The following TMEM132C variants were observed in gnomAD, a reference collection of about 807,000 sequenced individuals.
TMEM132C encodes transmembrane protein 132C.
Under a neutral mutation model 61.4 loss-of-function variants are expected in TMEM132C, and 29 were observed. That is an observed-to-expected ratio of 0.47 (90% CI 0.35 to 0.64). The LOEUF (loss-of-function observed/expected upper bound fraction) is 0.64, where lower values mean the gene tolerates loss of function less well. Ranked by LOEUF, TMEM132C falls within the 30% of genes least tolerant of loss-of-function variation. The pLI, the probability that TMEM132C is intolerant of heterozygous loss-of-function variation, is 0.00. For synonymous variants in TMEM132C, 656 were observed against 633.1 expected (o/e 1.04, Z -0.54); for missense variants, 1,408 against 1,476.9 (o/e 0.95, Z 0.76).
chr12:128,355,937 T>TAGGCCTAAAGAA (rs1873489455), intron 1 of TMEM132C, among the ~76,000 whole-genome samples: 1 of 152,140 alleles, frequency 6.6e-6, no homozygotes, highest in Non-Finnish European at 1.5e-5. Flanking sequence ...CACCATCCTG[T>TAGGCCTAAAGAA]CACGGTGTAT....
chr12:128,488,152 T>C (rs1264803160), intron 2 of TMEM132C, among the ~76,000 whole-genome samples: 4 of 152,198 alleles, frequency 2.6e-5, no homozygotes, highest in African/African-American at 9.6e-5. Flanking sequence ...TGGAAAAATT[T>C]ATCAGATTTA....
intron 1 of TMEM132C, among the ~76,000 whole-genome samples, chr12:128,386,447 G>A (rs148858142): frequency 3.7e-4 from 56 of 152,280 alleles, no homozygotes; most frequent in African/African-American, 8.9e-4. Context: ...TTCCCTTTCC[G>A]TTGGGCTTCC....
At chr12:128,616,025 C>T (rs951367542) in intron 3 of TMEM132C, 127 bp from the exon 4 acceptor site, 1 of 1,183,592 alleles carries the variant, frequency 8.4e-7, no homozygotes. Flanking sequence ...CCCAGGATCC[C>T]CCACCAAAAC....
intron 3 of TMEM132C, among the ~76,000 whole-genome samples, chr12:128,597,494 AAAGAAG>A (rs1565986171): frequency 2.3e-4 from 16 of 70,154 alleles, no homozygotes; most frequent in South Asian, 8.8e-4. Flanking sequence ...GGAAGGAAGG[AAAGAAG>A]GAAGGAAGGA....
chr12:128,521,825 A>T (rs1872916036), intron 2 of TMEM132C, among the ~76,000 whole-genome samples: 1 of 152,222 alleles, frequency 6.6e-6, no homozygotes, highest in Admixed American at 6.5e-5. Flanking sequence ...AAATATTTAA[A>T]GTCCTTACAA....
At chr12:128,330,420 G>A (rs1306150568) in intron 1 of TMEM132C, among the ~76,000 whole-genome samples, 3 of 152,132 alleles carry the variant, frequency 2.0e-5, no homozygotes, top group Admixed American at 6.5e-5. Flanking sequence ...CGGCATAGTG[G>A]TGTGCACCTG....
chr12:128,635,574 A>T (rs1565998101), intron 4 of TMEM132C, among the ~76,000 whole-genome samples: 1 of 151,816 alleles, frequency 6.6e-6, no homozygotes, highest in African/African-American at 2.4e-5. Flanking sequence ...TTCCAAGCAC[A>T]CATATGGGAG....
chr12:128,353,229 C>T (rs1873396006), intron 1 of TMEM132C, among the ~76,000 whole-genome samples: 1 of 152,208 alleles, frequency 6.6e-6, no homozygotes, highest in East Asian at 1.9e-4. Flanking sequence ...AAAAATGCAA[C>T]TCCCGAGGCT....
chr12:128,477,633 G>A (rs904757284), intron 2 of TMEM132C, among the ~76,000 whole-genome samples: 1 of 152,194 alleles, frequency 6.6e-6, no homozygotes, highest in Non-Finnish European at 1.5e-5. Flanking sequence ...AAGCTGGAGT[G>A]CAGTGGTGCA....
At chr12:128,529,081 C>G (rs1873191949) in intron 2 of TMEM132C, among the ~76,000 whole-genome samples, 1 of 152,048 alleles carries the variant, frequency 6.6e-6, no homozygotes, top group African/African-American at 2.4e-5. Context: ...CTGTATAACA[C>G]TCACTTATAA....
chr12:128,373,187 GT>G (rs1373302633), intron 1 of TMEM132C, among the ~76,000 whole-genome samples: 1 of 152,044 alleles, frequency 6.6e-6, no homozygotes, highest in Non-Finnish European at 1.5e-5. Flanking sequence ...TAACTCAGCT[GT>G]TTTGTCCTCT....
intron 6 of TMEM132C, among the ~76,000 whole-genome samples, chr12:128,695,484 C>T (rs1343342027): frequency 6.6e-6 from 1 of 152,110 alleles, no homozygotes; most frequent in African/African-American, 2.4e-5. Flanking sequence ...GGATGGACCA[C>T]TGCACTTTAG....
chr12:128,533,324 C>T (rs955077930), intron 2 of TMEM132C, among the ~76,000 whole-genome samples: 1 of 152,184 alleles, frequency 6.6e-6, no homozygotes, highest in African/African-American at 2.4e-5. Context: ...AGCTCCTCCT[C>T]CTGAGGGCCA....
intron 2 of TMEM132C, among the ~76,000 whole-genome samples, chr12:128,539,715 A>G (rs1025245639): frequency 6.6e-6 from 1 of 152,084 alleles, no homozygotes; most frequent in African/African-American, 2.4e-5. Flanking sequence ...TATTCAAGAC[A>G]TTTTTTATTG....
At chr12:128,421,167 G>A (rs773841236) in intron 2 of TMEM132C, among the ~76,000 whole-genome samples, 5 of 152,128 alleles carry the variant, frequency 3.3e-5, no homozygotes, top group Non-Finnish European at 7.3e-5. Context: ...CTCCCCTTCC[G>A]AGTCTCTAGC....
chr12:128,527,444 G>A (rs770309470), intron 2 of TMEM132C, among the ~76,000 whole-genome samples: 1 of 152,196 alleles, frequency 6.6e-6, no homozygotes, highest in African/African-American at 2.4e-5. Flanking sequence ...GGGCAGCTGC[G>A]CTGAAGTCAT....
chr12:128,540,604 T>C (rs11059755), intron 2 of TMEM132C, among the ~76,000 whole-genome samples: 70,082 of 152,026 alleles, frequency 0.46, 18,755 homozygotes, highest in Non-Finnish European at 0.6. Context: ...GCTGTATTTC[T>C]GGTAGGTTGC....
At chr12:128,406,928 TC>T (rs1875368730) in intron 1 of TMEM132C, among the ~76,000 whole-genome samples, 1 of 152,162 alleles carries the variant, frequency 6.6e-6, no homozygotes, top group Non-Finnish European at 1.5e-5. Flanking sequence ...TTACTTACCT[TC>T]CCTATTCCTC....
At chr12:128,500,733 G>T (rs914676712) in intron 2 of TMEM132C, among the ~76,000 whole-genome samples, 2 of 152,124 alleles carry the variant, frequency 1.3e-5, no homozygotes, top group Non-Finnish European at 2.9e-5. Flanking sequence ...TGATGAGAAT[G>T]TAACATGGTA....
Sources: gnomAD v4.1 joint callset for allele counts (sites outside exome capture counted in the v4.1 genomes callset) on GRCh38, gnomAD v4.1.1 for gene constraint, MANE v1.5 for transcripts, NCBI Gene and HGNC (gene_info 2026-07-23, HGNC 2026-07-21) for gene names.